XKR9: variants seen among roughly 807,000 people sequenced by gnomAD.
XKR9 encodes XK related 9.
XKR9 carries 32 observed loss-of-function variants against 32.0 expected under a neutral mutation model. The ratio of observed to expected loss-of-function variants is 1.00; its 90% CI spans 0.76 to 1.34. The LOEUF is 1.34. Among genes scored for constraint, XKR9 ranks in the 40% most tolerant of loss-of-function variants. The probability of loss-of-function intolerance (pLI) is 0.00; values close to 1 mark genes in which losing one functional copy is unlikely to be tolerated. For missense variants in XKR9, 546 were observed against 429.7 expected (o/e 1.27, Z -2.39); for synonymous variants, 168 against 143.4 (o/e 1.17, Z -1.22).
chr8:71,052,258 G>T, the XKR9 span, among the ~76,000 whole-genome samples: 1 of 152,346 alleles, frequency 6.6e-6, no homozygotes, highest in South Asian at 2.1e-4. Flanking sequence ...AGCAGTTAGA[G>T]TGAGCCTGCT....
At chr8:70,913,638 A>T in the XKR9 span, among the ~76,000 whole-genome samples, 3 of 152,158 alleles carry the variant, frequency 2.0e-5, no homozygotes, top group African/African-American at 7.2e-5. Flanking sequence ...ACATAAAAGT[A>T]TGCTAATCAT....
the XKR9 span, among the ~76,000 whole-genome samples, chr8:70,850,225 G>C: frequency 6.6e-6 from 1 of 152,020 alleles, no homozygotes; most frequent in African/African-American, 2.4e-5. Context: ...ACTTTGGGAG[G>C]CTGAGGCAGG....
intron 4 of XKR9, among the ~76,000 whole-genome samples, chr8:70,732,769 C>G (rs1806714601): frequency 6.6e-6 from 1 of 152,194 alleles, no homozygotes; most frequent in Non-Finnish European, 1.5e-5. Context: ...GTCTTGTCCT[C>G]ATTATCTTCA....
chr8:70,999,467 A>G, the XKR9 span, among the ~76,000 whole-genome samples: 1 of 152,232 alleles, frequency 6.6e-6, no homozygotes, highest in Non-Finnish European at 1.5e-5. Context: ...AAAGTAATAT[A>G]ATCATGAGCC....
the XKR9 span, among the ~76,000 whole-genome samples, chr8:70,969,793 G>A: frequency 6.6e-6 from 1 of 152,134 alleles, no homozygotes; most frequent in Non-Finnish European, 1.5e-5. Flanking sequence ...AACAGGTGAT[G>A]TTTGGTTACA....
intron 2 of XKR9, among the ~76,000 whole-genome samples, chr8:70,778,202 G>T (rs1265739131): frequency 2.0e-5 from 3 of 152,108 alleles, no homozygotes; most frequent in Non-Finnish European, 4.4e-5. Flanking sequence ...ATTAAATAGG[G>T]AATCCTTTCC....
At chr8:70,886,252 G>A in the XKR9 span, among the ~76,000 whole-genome samples, 2 of 152,148 alleles carry the variant, frequency 1.3e-5, no homozygotes, top group Admixed American at 1.3e-4. Context: ...AGTATTTCAT[G>A]GTGTATATGT....
chr8:71,027,779 CGG>C, the XKR9 span, among the ~76,000 whole-genome samples: 227 of 117,552 alleles, frequency 1.9e-3, 3 homozygotes, highest in African/African-American at 6.7e-3. Flanking sequence ...TTTTTTTTGG[CGG>C]GGGGGGGGGG....
the XKR9 span, among the ~76,000 whole-genome samples, chr8:71,058,261 C>G: frequency 1.3e-5 from 2 of 152,286 alleles, no homozygotes; most frequent in South Asian, 2.1e-4. Context: ...AGAAGCTGAT[C>G]ACTCTGGGTC....
the XKR9 span, among the ~76,000 whole-genome samples, chr8:70,892,614 A>G: frequency 6.6e-6 from 1 of 152,120 alleles, no homozygotes; most frequent in Non-Finnish European, 1.5e-5. Flanking sequence ...TGGGTATAGT[A>G]TTCTTTCTCG....
rs774782700 is a variant in XKR9, at chr8:70,734,243, A to G, written c.941A>G (p.Asn314Ser). 4 of 1,613,028 alleles carry G rather than the reference A, an allele frequency of 2.5e-6. No individual in the cohort carries two copies. The highest frequency in any genetic ancestry group is 2.5e-6 in the Non-Finnish European group (3 of 1,179,426). ...VFWVCPLTIFNPDYFIPISIT... is the reference protein window; with the variant it reads ...VFWVCPLTIFSPDYFIPISIT... ...TGGGTTTGCCCCCTCACTATTTTTA[A>G]TCCAGACTATTTTATACCTATCAGT... The change falls in exon 5 of 5, where the codon AAT (asparagine) becomes AGT (serine). Residue 314 changes from asparagine (N) to serine (S), a missense_variant. Asn to Ser is a conservative substitution (Grantham distance 46). Transcript: ENST00000408926.
chr8:70,989,518 C>A, the XKR9 span, among the ~76,000 whole-genome samples: 1 of 152,154 alleles, frequency 6.6e-6, no homozygotes, highest in Admixed American at 6.5e-5. Flanking sequence ...ACTTTACTTG[C>A]TGAGCTGATA....
At chr8:70,928,769 A>G in the XKR9 span, among the ~76,000 whole-genome samples, 1 of 152,172 alleles carries the variant, frequency 6.6e-6, no homozygotes, top group Non-Finnish European at 1.5e-5. Context: ...CTCATCTCCC[A>G]GCTGGCACAG....
downstream of XKR9, among the ~76,000 whole-genome samples, chr8:70,736,267 T>C (rs1806859964): frequency 2.0e-5 from 3 of 152,216 alleles, no homozygotes; most frequent in African/African-American, 7.2e-5. Flanking sequence ...AAATGTCTTC[T>C]TTTGAGAAGT....
the XKR9 span, among the ~76,000 whole-genome samples, chr8:70,899,419 C>CCAGGAAGA: frequency 2.0e-5 from 3 of 149,944 alleles, no homozygotes; most frequent in Admixed American, 1.3e-4. Flanking sequence ...AATCCCTTTG[C>CCAGGAAGA]CAGGAAGACA....
the XKR9 span, among the ~76,000 whole-genome samples, chr8:71,046,039 T>G: frequency 6.6e-6 from 1 of 152,070 alleles, no homozygotes; most frequent in Non-Finnish European, 1.5e-5. Flanking sequence ...AGCAGTGTCT[T>G]GTGTTTCTTG....
intron 2 of XKR9, among the ~76,000 whole-genome samples, chr8:70,752,920 C>G (rs560292369): frequency 3.3e-5 from 5 of 151,158 alleles, no homozygotes; most frequent in African/African-American, 4.8e-5. Context: ...CAAAATCAGA[C>G]CAGAACTGAA....
At chr8:71,060,441 C>A in the XKR9 span, among the ~76,000 whole-genome samples, 3 of 152,172 alleles carry the variant, frequency 2.0e-5, no homozygotes, top group African/African-American at 7.2e-5. Context: ...TCTTCACTCA[C>A]CCACCCTGAA....
chr8:70,785,732 T>TCG, intron 2 of XKR9, among the ~76,000 whole-genome samples: 1 of 112,792 alleles, frequency 8.9e-6, no homozygotes, highest in Non-Finnish European at 2.1e-5. Context: ...TCTCTCTCTC[T>TCG]CTCTCTCTAT....
Sources: gnomAD v4.1 joint callset for allele counts (sites outside exome capture counted in the v4.1 genomes callset) on GRCh38, gnomAD v4.1.1 for gene constraint, MANE v1.5 for transcripts, NCBI Gene and HGNC (gene_info 2026-07-23, HGNC 2026-07-21) for gene names.